The following GREB1L variants were observed in gnomAD, a reference collection of about 807,000 sequenced individuals.
The protein encoded by GREB1L is GREB1 like retinoic acid receptor coactivator, also known as GREB1-like protein.
Under a neutral mutation model 200.8 loss-of-function variants are expected in GREB1L, and 17 were observed. The observed-to-expected ratio is 0.08, with a 90% CI of 0.06 to 0.13. GREB1L has a LOEUF of 0.13. GREB1L is among the 10% of genes least tolerant of loss of function. The probability of loss-of-function intolerance (pLI) is 1.00; values close to 1 mark genes in which losing one functional copy is unlikely to be tolerated. For synonymous variants in GREB1L, 789 were observed against 893.0 expected (o/e 0.88, Z 2.08); for missense variants, 1,657 against 2,367.7 (o/e 0.70, Z 6.23).
intron 19 of GREB1L, among the ~76,000 whole-genome samples, chr18:21,491,910 G>A (rs1036300034): frequency 4.6e-5 from 7 of 151,782 alleles, no homozygotes; most frequent in African/African-American, 1.7e-4. Flanking sequence ...ATAGATACAC[G>A]TTCACAATTT....
chr18:21,372,940 C>CTTT (rs57702520), intron 2 of GREB1L, among the ~76,000 whole-genome samples: 2 of 150,834 alleles, frequency 1.3e-5, no homozygotes, highest in African/African-American at 4.9e-5. Context: ...CTTTTCTTTT[C>CTTT]TTTTTTTTTG....
intron 1 of GREB1L, among the ~76,000 whole-genome samples, chr18:21,324,628 G>T (rs2038995786): frequency 6.6e-6 from 1 of 152,150 alleles, no homozygotes; most frequent in Non-Finnish European, 1.5e-5. Context: ...GGCTAACACG[G>T]TGAAACCCCG....
chr18:21,464,262 G>A (rs577300652), intron 15 of GREB1L, among the ~76,000 whole-genome samples: 6 of 152,284 alleles, frequency 3.9e-5, no homozygotes, highest in African/African-American at 9.6e-5. Context: ...GGGCGCGGTC[G>A]CTCACGCCTG....
chr18:21,246,627 C>T (rs2037607246), intron 1 of GREB1L, among the ~76,000 whole-genome samples: 1 of 152,152 alleles, frequency 6.6e-6, no homozygotes, highest in African/African-American at 2.4e-5. Flanking sequence ...TGGTCAGTTA[C>T]ACCACTAATG....
At chr18:21,399,767 G>A (rs1366206502) in intron 5 of GREB1L, among the ~76,000 whole-genome samples, 1 of 152,174 alleles carries the variant, frequency 6.6e-6, no homozygotes, top group Admixed American at 6.5e-5. Flanking sequence ...TTTCCCCAGT[G>A]TTTAGCAAAA....
chr18:21,385,696 CTTTTA>C (rs2040511280), intron 4 of GREB1L, among the ~76,000 whole-genome samples: 1 of 152,088 alleles, frequency 6.6e-6, no homozygotes, highest in Admixed American at 6.6e-5. Context: ...ATCTTCATGC[CTTTTA>C]TTTAATTGAG....
intron 1 of GREB1L, among the ~76,000 whole-genome samples, chr18:21,338,082 T>C (rs2145117964): frequency 6.6e-6 from 1 of 152,356 alleles, no homozygotes; most frequent in Admixed American, 6.5e-5. Context: ...TTATACACAA[T>C]TTTGATCTCT....
chr18:21,312,533 ATTTT>A (rs2038807522), intron 1 of GREB1L, among the ~76,000 whole-genome samples: 1 of 147,726 alleles, frequency 6.8e-6, no homozygotes, highest in Non-Finnish European at 1.5e-5. Context: ...TTTATTCTTT[ATTTT>A]ATTTATTTAT....
At chr18:21,339,064 G>A (rs2145127022) in intron 1 of GREB1L, among the ~76,000 whole-genome samples, 1 of 152,150 alleles carries the variant, frequency 6.6e-6, no homozygotes, top group South Asian at 2.1e-4. Flanking sequence ...GCGGGCGCCT[G>A]TAATCCCAGC....
chr18:21,308,929 C>T (rs2038746347), intron 1 of GREB1L, among the ~76,000 whole-genome samples: 1 of 152,184 alleles, frequency 6.6e-6, no homozygotes, highest in Non-Finnish European at 1.5e-5. Context: ...ATATGGTGAC[C>T]TCTGTGATTC....
chr18:21,413,374 C>T (rs957766023), intron 7 of GREB1L, among the ~76,000 whole-genome samples: 4 of 152,180 alleles, frequency 2.6e-5, no homozygotes, highest in Non-Finnish European at 5.9e-5. Flanking sequence ...CGCTTTGTGT[C>T]CTCCTTTGGG....
intron 1 of GREB1L, among the ~76,000 whole-genome samples, chr18:21,291,297 C>T (rs1307826672): frequency 6.6e-6 from 1 of 152,170 alleles, no homozygotes; most frequent in African/African-American, 2.4e-5. Flanking sequence ...CTCCCCAAAC[C>T]TGTTTGCCTG....
chr18:21,366,253 C>G (rs1395312395), intron 2 of GREB1L, 117 bp downstream of exon 2: 1 of 152,164 alleles, frequency 6.6e-6, no homozygotes, highest in Admixed American at 6.6e-5. Context: ...GAATAAGATA[C>G]TTCCATGAGC....
At chr18:21,281,252 T>C (rs1321068092) in intron 1 of GREB1L, among the ~76,000 whole-genome samples, 1 of 152,204 alleles carries the variant, frequency 6.6e-6, no homozygotes, top group Non-Finnish European at 1.5e-5. Context: ...TGGTTTATTG[T>C]GTAAAACTAG....
intron 1 of GREB1L, among the ~76,000 whole-genome samples, chr18:21,263,082 C>CT (rs2037914344): frequency 6.6e-6 from 1 of 152,078 alleles, no homozygotes; most frequent in South Asian, 2.1e-4. Flanking sequence ...CTGCCTGCAT[C>CT]TTTTTTTGCA....
chr18:21,430,581 CTTTTTTTTTT>C lies in GREB1L; in HGVS notation c.833-8922_833-8913del, dbSNP rs147151717. ...ACTCTTAAGGTGATTGATTTGGGAT[CTTTTTTTTTT>C]TTTTTTTTTTTTTTTTTAATTTGAG... is the stretch of plus-strand genomic sequence containing the variant. On this transcript the variant is annotated intron_variant, in intron 7 of 32. Coordinates refer to ENST00000424526, the MANE Select transcript of GREB1L (RefSeq NM_001142966.3). Among the ~76,000 whole-genome samples, 8 of 60,192 alleles carry C rather than the reference CTTTTTTTTTT, an allele frequency of 1.3e-4. 1 individual carries two copies. The highest frequency in any genetic ancestry group is 4.6e-4 in the African/African-American group (7 of 15,148). The allele number at this position is 60,192 out of a possible 152,430, so 39.5% of individuals were successfully genotyped here. A position where few individuals can be genotyped will look rare whatever the true frequency, so the allele number is the denominator to read the frequency against.
intron 1 of GREB1L, among the ~76,000 whole-genome samples, chr18:21,247,743 C>T (rs2037631201): frequency 6.6e-6 from 1 of 152,158 alleles, no homozygotes; most frequent in Non-Finnish European, 1.5e-5. Flanking sequence ...AAAGGATCTA[C>T]AAATTCGTAT....
intron 11 of GREB1L, among the ~76,000 whole-genome samples, chr18:21,448,947 C>G (rs1199211410): frequency 3.9e-5 from 6 of 152,138 alleles, no homozygotes; most frequent in Non-Finnish European, 8.8e-5. Context: ...AAAGCGTTCT[C>G]TATCTGGGAA....
At chr18:21,403,772 A>G in intron 6 of GREB1L, 100 bp from the exon 7 acceptor site, 1 of 958,440 alleles carries the variant, frequency 1.0e-6, no homozygotes, top group East Asian at 2.7e-5. Context: ...CCGCTTAAGG[A>G]GCAGCGATTT....
Sources: allele counts gnomAD v4.1 joint callset (sites outside exome capture counted in the v4.1 genomes callset), GRCh38; gene constraint gnomAD v4.1.1; transcripts MANE v1.5; gene names NCBI Gene and HGNC (gene_info 2026-07-23, HGNC 2026-07-21).